The following PRKN variants were observed in gnomAD, a reference collection of about 807,000 sequenced individuals.
PRKN encodes the protein E3 ubiquitin-protein ligase parkin.
PRKN carries 56 observed loss-of-function variants against 59.5 expected under a neutral mutation model. That is an observed-to-expected ratio of 0.94 (90% CI 0.76 to 1.18). The LOEUF is 1.18. PRKN is among the 50% of genes most tolerant of loss of function. PRKN has a pLI of 0.00. For synonymous variants in PRKN, 250 were observed against 222.1 expected, an observed-to-expected ratio of 1.13 and a Z score of -1.12; for missense variants, 657 against 596.4, an observed-to-expected ratio of 1.10 and a Z score of -1.06.
chr6:162,281,300 A>G (rs1780895352), intron 2 of PRKN, among the ~76,000 whole-genome samples: 1 of 152,138 alleles, frequency 6.6e-6, no homozygotes, highest in Non-Finnish European at 1.5e-5. Context: ...TAGCATTAGG[A>G]GAAATACCTA....
intron 6 of PRKN, among the ~76,000 whole-genome samples, chr6:161,838,276 G>A (rs1792843240): frequency 6.6e-6 from 1 of 152,146 alleles, no homozygotes. Flanking sequence ...CCTTATTTTA[G>A]ATTCTTCTAA....
At position 161,393,260 on chromosome 6, in the gene PRKN, T is replaced by C. The variant is rs750851167; in HGVS notation, c.1084-6383A>G. 9.9e-5 allele frequency among the ~76,000 whole-genome samples: 15 copies of C among 152,184 alleles called. No homozygotes were observed. Among genetic ancestry groups the C allele is most frequent in the Non-Finnish European group, 1.6e-4 (11 of 68,044 alleles). On this transcript the variant is annotated intron_variant, in intron 9 of 11. Coordinates refer to ENST00000366898, the MANE Select transcript of PRKN (RefSeq NM_004562.3). This position sits in a 1 kb window ranked among gnomAD's most constrained non-coding sequence, Gnocchi z 4.7. Reference sequence around the variant, plus strand: ...AGTCTGTAGAAAAATAAGAGGGTAGTAAGCGCCTTGTTAATTAAAGCAGTT... The same window carrying C: ...AGTCTGTAGAAAAATAAGAGGGTAGCAAGCGCCTTGTTAATTAAAGCAGTT...
chr6:162,138,241 T>C (rs535214054), intron 4 of PRKN, among the ~76,000 whole-genome samples: 20 of 152,296 alleles, frequency 1.3e-4, no homozygotes, highest in African/African-American at 4.6e-4. Context: ...TGGGATATTT[T>C]GCATTCCCAC....
At chr6:161,796,349 C>T (rs138431819) in intron 6 of PRKN, among the ~76,000 whole-genome samples, 6 of 152,180 alleles carry the variant, frequency 3.9e-5, no homozygotes, top group African/African-American at 1.4e-4. Context: ...AAATTAACTT[C>T]TGTTCTTTTT....
At chr6:162,712,244 C>G (rs1344014797) in intron 1 of PRKN, among the ~76,000 whole-genome samples, 2 of 152,192 alleles carry the variant, frequency 1.3e-5, no homozygotes, top group Non-Finnish European at 2.9e-5. Flanking sequence ...ATTGTCCTGA[C>G]TGCTCTTTTA....
chr6:161,915,551 A>C (rs1303893141), intron 6 of PRKN, among the ~76,000 whole-genome samples: 1 of 152,144 alleles, frequency 6.6e-6, no homozygotes, highest in African/African-American at 2.4e-5. Flanking sequence ...CAACCCTGTA[A>C]ATGTGAGAAC....
At chr6:161,749,449 A>G (rs1788583397) in intron 7 of PRKN, among the ~76,000 whole-genome samples, 2 of 152,150 alleles carry the variant, frequency 1.3e-5, no homozygotes, top group African/African-American at 4.8e-5. Flanking sequence ...TGGAGGAAGG[A>G]AAGTAATTTG....
intron 7 of PRKN, among the ~76,000 whole-genome samples, chr6:161,610,217 T>C (rs1265722930): frequency 1.3e-5 from 2 of 152,090 alleles, no homozygotes; most frequent in African/African-American, 4.8e-5. Context: ...TTGCCCAGCG[T>C]TGCATGGGAG....
At chr6:161,756,059 A>C (rs1788903963) in intron 7 of PRKN, among the ~76,000 whole-genome samples, 1 of 152,220 alleles carries the variant, frequency 6.6e-6, no homozygotes, top group Non-Finnish European at 1.5e-5. Context: ...AATGAGTCCG[A>C]TTAAAGGCAA....
intron 3 of PRKN, among the ~76,000 whole-genome samples, chr6:162,235,455 T>C (rs1778612813): frequency 6.6e-6 from 1 of 152,126 alleles, no homozygotes; most frequent in Non-Finnish European, 1.5e-5. Context: ...AGAATGCATA[T>C]TGTCAAGATT....
chr6:162,365,498 T>C (rs1254066240), intron 2 of PRKN, among the ~76,000 whole-genome samples: 4 of 152,202 alleles, frequency 2.6e-5, no homozygotes, highest in African/African-American at 7.2e-5. Flanking sequence ...CCGTGGACTC[T>C]TACGTGATTT....
chr6:162,242,576 C>A (rs760248797), intron 3 of PRKN, among the ~76,000 whole-genome samples: 3 of 152,130 alleles, frequency 2.0e-5, no homozygotes, highest in Non-Finnish European at 4.4e-5. Context: ...CAACAATCAA[C>A]TATTAACTCA....
At chr6:161,799,594 C>G (rs1583179479) in intron 6 of PRKN, among the ~76,000 whole-genome samples, 1 of 152,168 alleles carries the variant, frequency 6.6e-6, no homozygotes, top group Admixed American at 6.5e-5. Flanking sequence ...TATTGATTCC[C>G]TTATTGAACA....
At chr6:162,169,457 T>A (rs1363322097) in intron 4 of PRKN, among the ~76,000 whole-genome samples, 1 of 150,262 alleles carries the variant, frequency 6.7e-6, no homozygotes, top group Non-Finnish European at 1.5e-5. Context: ...CAAGGGCACA[T>A]ATTAATTTTC....
intron 1 of PRKN, among the ~76,000 whole-genome samples, chr6:162,521,329 C>T (rs528322147): frequency 4.1e-4 from 63 of 152,164 alleles, no homozygotes; most frequent in African/African-American, 1.5e-3. Flanking sequence ...GCTAGTAAAG[C>T]AAAGGATGGA....
rs970994528 is a variant in PRKN, at chr6:162,310,748, A to T, written c.172-47983T>A. 1.2e-4 allele frequency among the ~76,000 whole-genome samples: 9 copies of T among 74,316 alleles called. No homozygotes were observed. The East Asian group carries it at 1.4e-3, about 12-fold the overall frequency. 48.8% of individuals were successfully genotyped at this position (74,316 alleles called of 152,430 possible). ...ACCCTAGAACTTAAATTATAATAAAAATATATATATATAAAAAAAAGCAGC... is the reference window on the plus strand; with the variant it reads ...ACCCTAGAACTTAAATTATAATAAATATATATATATATAAAAAAAAGCAGC... On this transcript the variant is annotated intron_variant, in intron 2 of 11. Coordinates refer to ENST00000366898, the MANE Select transcript of PRKN (RefSeq NM_004562.3).
chr6:162,379,218 G>GC (rs60953874), intron 2 of PRKN, among the ~76,000 whole-genome samples: 40,250 of 151,758 alleles, frequency 0.27, 5,518 homozygotes, highest in African/African-American at 0.3. Flanking sequence ...CATTGCCAGG[G>GC]AAGCTGGGAA....
chr6:162,414,726 A>AAAGAAAAAAGT (rs34838356), intron 2 of PRKN, among the ~76,000 whole-genome samples: 1 of 91,870 alleles, frequency 1.1e-5, no homozygotes, highest in African/African-American at 4.5e-5. Flanking sequence ...AAAAAAAAAA[A>AAAGAAAAAAGT]AGTGAATCTT....
intron 8 of PRKN, among the ~76,000 whole-genome samples, chr6:161,558,802 C>T (rs1054458241): frequency 1.3e-5 from 2 of 151,896 alleles, no homozygotes; most frequent in African/African-American, 2.4e-5. Flanking sequence ...TAATCTTCAT[C>T]TTCCTTTTTT....
Sources: allele counts gnomAD v4.1 joint callset (sites outside exome capture counted in the v4.1 genomes callset), GRCh38; gene constraint gnomAD v4.1.1; non-coding constraint Gnocchi (gnomAD v3.1); transcripts MANE v1.5; gene names NCBI Gene and HGNC (gene_info 2026-07-23, HGNC 2026-07-21).